The following PRKAG2 variants were observed in gnomAD, a reference collection of about 807,000 sequenced individuals.
The protein encoded by PRKAG2 is protein kinase AMP-activated non-catalytic subunit gamma 2.
A neutral mutation model predicts 69.6 loss-of-function variants in PRKAG2; 26 were observed. That is an observed-to-expected ratio of 0.37 (90% CI 0.27 to 0.52). PRKAG2 has a LOEUF of 0.52. Ranked by LOEUF, PRKAG2 falls within the 20% of genes least tolerant of loss-of-function variation. The pLI is 0.90. For missense variants in PRKAG2, 557 were observed against 740.0 expected (o/e 0.75, Z 2.87); for synonymous variants, 293 against 285.0 (o/e 1.03, Z -0.28).
Position 151,850,461 on chromosome 7 carries a change from C to T in PRKAG2, c.114+26046G>A, listed in dbSNP as rs1038240462. On this transcript the variant is annotated intron_variant, in intron 1 of 15. Transcript: ENST00000287878. The surrounding 1 kb of genome is among the most constrained non-coding windows in gnomAD (Gnocchi z 4.1). ...GTCCCATGCTCTGCCTCGAAGCACA[C>T]GTCATCTGGTGGGCAGCCCTGCCAT... Among the ~76,000 whole-genome samples the T allele has an allele frequency of 2.6e-5, 4 of 152,248 alleles. No individual in the cohort carries two copies. Among genetic ancestry groups the T allele is most frequent in the Admixed American group, 6.5e-5 (1 of 15,286 alleles).
intron 6 of PRKAG2, among the ~76,000 whole-genome samples, chr7:151,592,179 T>C (rs1360601255): frequency 2.6e-5 from 4 of 152,196 alleles, no homozygotes; most frequent in Non-Finnish European, 2.9e-5. Flanking sequence ...CACTGACTGA[T>C]GGAGAAAAAG....
chr7:151,855,500 C>A (rs71541711), intron 1 of PRKAG2, among the ~76,000 whole-genome samples: 8 of 113,080 alleles, frequency 7.1e-5, no homozygotes, highest in African/African-American at 1.5e-4. Flanking sequence ...ACACACCACC[C>A]TCCACACACA....
rs779111905 is a variant in PRKAG2, at chr7:151,583,575, G to A, written c.865-7123C>T. On this transcript the variant is annotated intron_variant, in intron 6 of 15. Transcript: ENST00000287878. The surrounding 1 kb of genome is among the most constrained non-coding windows in gnomAD (Gnocchi z 4.1). ...TATAAAGCAATTTAAAATCATACTT[G>A]GAAAATTCTCCATAATTATAGACGG... Among the ~76,000 whole-genome samples the A allele has an allele frequency of 6.6e-6, 1 of 151,984 alleles. No homozygotes were observed. The highest frequency in any genetic ancestry group is 1.5e-5 in the Non-Finnish European group (1 of 68,008).
At chr7:151,622,196 T>C (rs992045619) in intron 5 of PRKAG2, among the ~76,000 whole-genome samples, 1 of 152,202 alleles carries the variant, frequency 6.6e-6, no homozygotes, top group African/African-American at 2.4e-5. Flanking sequence ...AGATGGGCAC[T>C]TCATCCAAGT....
rs751145176 is a variant in PRKAG2, at chr7:151,786,505, C to G, written c.151G>C (p.Asp51His). ...GAATGCTTTCCGGAACCCTCCAGGT[C>G]TCCGTCCAGGAGCGGCATGGCGAAG... ...SSFAMPLLDGDLEGSGKHSSR... is the reference protein window; with the variant it reads ...SSFAMPLLDGHLEGSGKHSSR... The change falls in exon 2 of 16, where the codon GAC becomes CAC. Residue 51 changes from aspartate to histidine, a missense_variant. Physicochemically the swap from Asp to His is moderately conservative, Grantham distance 81. Coordinates refer to ENST00000287878, the MANE Select transcript of PRKAG2 (RefSeq NM_016203.4). 2 of 1,613,054 alleles carry G rather than the reference C, an allele frequency of 1.2e-6. No individual in the cohort carries two copies. Among genetic ancestry groups the G allele is most frequent in the South Asian group, 2.2e-5 (2 of 90,564 alleles).
intron 3 of PRKAG2, among the ~76,000 whole-genome samples, chr7:151,678,878 G>A (rs778662805): frequency 6.6e-6 from 1 of 152,114 alleles, no homozygotes; most frequent in Non-Finnish European, 1.5e-5. Context: ...AGAATCGCTT[G>A]AACCCAAGAG....
chr7:151,832,046 GA>G (rs1253199314), intron 1 of PRKAG2, among the ~76,000 whole-genome samples: 22 of 152,156 alleles, frequency 1.4e-4, no homozygotes, highest in African/African-American at 5.1e-4. Flanking sequence ...CAAGATGGAG[GA>G]ATCTCAGGAG....
At position 151,781,422 on chromosome 7, in the gene PRKAG2, G is replaced by A. The variant is rs764915841; in HGVS notation, c.196C>T (p.Pro66Ser). 3 of 1,606,914 alleles carry A rather than the reference G, an allele frequency of 1.9e-6. No homozygotes were observed. The highest frequency in any genetic ancestry group is 2.5e-6 in the Non-Finnish European group (3 of 1,177,160). Residue 66 changes from proline to serine, a missense_variant, in exon 3 of 16, where the codon CCC (proline) becomes TCC (serine). Coordinates refer to ENST00000287878, the MANE Select transcript of PRKAG2 (RefSeq NM_016203.4). This position sits in a 1 kb window ranked among gnomAD's most constrained non-coding sequence, Gnocchi z 6.1. Reference protein sequence around the residue: ...GKHSSRKVDSPFGPGSPSKGF... With the variant: ...GKHSSRKVDSSFGPGSPSKGF... ...TTGGAGGGGCTGCCCGGGCCGAAGG[G>A]GCTGTCCACCTGCAGAAAAACAGAC...
intron 1 of PRKAG2, among the ~76,000 whole-genome samples, chr7:151,833,073 G>A (rs140285842): frequency 1.1e-4 from 17 of 152,346 alleles, no homozygotes; most frequent in African/African-American, 2.4e-4. Context: ...CGTCCATCAC[G>A]AAGCTGGCTT....
intron 4 of PRKAG2, among the ~76,000 whole-genome samples, chr7:151,672,171 G>A (rs1013769422): frequency 1.3e-5 from 2 of 151,140 alleles, no homozygotes; most frequent in Non-Finnish European, 2.9e-5. Context: ...GCGCCATCTC[G>A]GCTCACTGCA....
chr7:151,631,874 G>T, intron 5 of PRKAG2, 195 bp downstream of exon 5: 1 of 516,304 alleles, frequency 1.9e-6, no homozygotes, highest in Non-Finnish European at 3.4e-6. Flanking sequence ...CTCCGCGGAC[G>T]CCCGGTACCC....
chr7:151,736,383 CTTTTTTTTTT>C, intron 3 of PRKAG2: 1 of 914,432 alleles, frequency 1.1e-6, no homozygotes, highest in Non-Finnish European at 1.3e-6. Context: ...CTCTCCAGGG[CTTTTTTTTTT>C]TTTTTTTTTC....
intron 3 of PRKAG2, among the ~76,000 whole-genome samples, chr7:151,772,588 TG>T (rs977790362): frequency 8.5e-5 from 13 of 152,354 alleles, no homozygotes; most frequent in Non-Finnish European, 1.8e-4. Flanking sequence ...ACATATTTTT[TG>T]CACCTTCTAG....
In PRKAG2 at chr7:151,708,376, A is replaced by G. The variant is rs540369011; in HGVS notation, c.467-32739T>C. The stretch of plus-strand genomic sequence containing the variant: ...CCAGTGGGGCACTGTGTGGCCCCTC[A>G]AACCCCCATGCCAACCTGGCACCTG... On this transcript the variant is annotated intron_variant, in intron 3 of 15. Coordinates refer to ENST00000287878, the MANE Select transcript of PRKAG2 (RefSeq NM_016203.4). 2.3e-3 allele frequency among the ~76,000 whole-genome samples: 354 copies of G among 152,346 alleles called. 3 individuals carry two copies. The highest frequency in any genetic ancestry group is 8.2e-3 in the African/African-American group (341 of 41,576).
chr7:151,567,620 C>T lies in PRKAG2; in HGVS notation c.1233+1096G>A, dbSNP rs1346684707. Among the ~76,000 whole-genome samples the T allele has an allele frequency of 6.6e-6, 1 of 152,194 alleles. No homozygotes were observed. The highest frequency in any genetic ancestry group is 1.5e-5 in the Non-Finnish European group (1 of 68,036). On this transcript the variant is annotated intron_variant, in intron 11 of 15. Transcript: ENST00000287878. This position sits in a 1 kb window ranked among gnomAD's most constrained non-coding sequence, Gnocchi z 4.2. ...TAAACAATGCGGATGCATCCCTAAT[C>T]CCTTTTTCCTAGATTATCGCCTTTA...
intron 8 of PRKAG2, among the ~76,000 whole-genome samples, chr7:151,574,522 G>C (rs547861067): frequency 6.6e-6 from 1 of 152,274 alleles, no homozygotes; most frequent in South Asian, 2.1e-4. Context: ...GCAATTGCTG[G>C]GGTAACTGAA....
intron 5 of PRKAG2, among the ~76,000 whole-genome samples, chr7:151,609,309 TAAA>T (rs565634915): frequency 2.0e-5 from 2 of 102,080 alleles, no homozygotes; most frequent in African/African-American, 9.9e-5. Flanking sequence ...AGAATTTATA[TAAA>T]AAAAATGTGT....
At chr7:151,625,997 GCTGTGGGGTTGGAGCTGAA>G (rs1822797692) in intron 5 of PRKAG2, among the ~76,000 whole-genome samples, 1 of 152,188 alleles carries the variant, frequency 6.6e-6, no homozygotes, top group Admixed American at 6.5e-5. Context: ...AGCACAGCTG[GCTGTGGGGTTGGAGCTGAA>G]CAGCTGTAGG....
chr7:151,825,190 A>C (rs947913513), intron 1 of PRKAG2, among the ~76,000 whole-genome samples: 2 of 152,148 alleles, frequency 1.3e-5, no homozygotes, highest in African/African-American at 4.8e-5. Flanking sequence ...CTCCAGCCTG[A>C]GTGACAGAGC....
Sources: gnomAD v4.1 joint callset for allele counts (sites outside exome capture counted in the v4.1 genomes callset) on GRCh38, gnomAD v4.1.1 for gene constraint, Gnocchi (gnomAD v3.1) non-coding constraint, MANE v1.5 for transcripts, NCBI Gene and HGNC (gene_info 2026-07-23, HGNC 2026-07-21) for gene names.